KIF20A: variants seen among roughly 807,000 people sequenced by gnomAD.
KIF20A encodes kinesin-like protein KIF20A.
A neutral mutation model predicts 113.0 loss-of-function variants in KIF20A; 66 were observed. That is an observed-to-expected ratio of 0.58 (90% confidence interval 0.48 to 0.72). The LOEUF is 0.72. Among genes scored for constraint, KIF20A ranks in the 30% least tolerant of loss-of-function variants. The pLI, the probability that KIF20A is intolerant of heterozygous loss-of-function variation, is 0.00. For missense variants in KIF20A, 927 were observed against 1,077.6 expected (o/e 0.86, Z 1.96); for synonymous variants, 376 against 402.3 (o/e 0.93, Z 0.78).
In KIF20A at chr5:138,182,453, C is replaced by T. The variant is rs200872203; in HGVS notation, c.506C>T (p.Thr169Met). The change falls in exon 5 of 19, where the codon ACG becomes ATG. Residue 169 changes from threonine to methionine, a missense_variant. By Grantham distance (81) the Thr-to-Met change is moderately conservative. Transcript: ENST00000394894. ...YGVTNSGKTH[T>M]IQGTIKDGGI... ...GTCACTAACTCAGGGAAAACCCACACGATTCAAGGTGAGTAGTAAGCCTTC... is the reference window on the plus strand; with the variant it reads ...GTCACTAACTCAGGGAAAACCCACATGATTCAAGGTGAGTAGTAAGCCTTC... The T allele has an allele frequency of 6.8e-6, 11 of 1,613,938 alleles. No individual in the cohort carries two copies. The highest frequency in any genetic ancestry group is 2.2e-5 in the East Asian group (1 of 44,890).
chr5:138,185,919 A>G (rs1466823834), intron 16 of KIF20A, 42 bp from the exon 17 acceptor site: 1 of 1,580,826 alleles, frequency 6.3e-7, no homozygotes, highest in South Asian at 1.1e-5. Context: ...CCAAGGCTAA[A>G]AAAACCCCAC....
At position 138,184,555 on chromosome 5, in the gene KIF20A, A is replaced by C; in HGVS notation, c.1562A>C (p.His521Pro). 1 of 1,614,004 alleles carries C rather than the reference A, an allele frequency of 6.2e-7. No individual in the cohort carries two copies. Among genetic ancestry groups the C allele is most frequent in the Non-Finnish European group, 8.5e-7 (1 of 1,179,978 alleles). Residue 521 changes from histidine (H) to proline (P), a missense_variant, in exon 13 of 19, where the codon CAC becomes CCC. His to Pro is a moderately conservative substitution (Grantham distance 77). Coordinates refer to ENST00000394894, the MANE Select transcript of KIF20A (RefSeq NM_005733.3). ...PPMQLGFPSLHSFIKEHSLQV... is the reference protein window; with the variant it reads ...PPMQLGFPSLPSFIKEHSLQV... ...ATGCAACTGGGATTCCCATCCCTGC[A>C]CTCGTTCATCAAGGAACATAGTCTT...
Sources: gnomAD v4.1 joint callset for allele counts on GRCh38, gnomAD v4.1.1 for gene constraint, MANE v1.5 for transcripts, NCBI Gene and HGNC (gene_info 2026-07-23, HGNC 2026-07-21) for gene names.